Variants in LMBRD1 observed in about 807,000 individuals in gnomAD.
LMBRD1 encodes LMBR1 domain containing 1.
Under a neutral mutation model 74.8 loss-of-function variants are expected in LMBRD1, and 64 were observed. The observed-to-expected ratio is 0.86, with a 90% CI of 0.70 to 1.05. The LOEUF is 1.05. Ranked by LOEUF, LMBRD1 falls within the 50% of genes least tolerant of loss-of-function variation. The probability of loss-of-function intolerance (pLI) is 0.00; values close to 1 mark genes in which losing one functional copy is unlikely to be tolerated. For synonymous variants in LMBRD1, 204 were observed against 216.3 expected (o/e 0.94, Z 0.50); for missense variants, 652 against 645.9 (o/e 1.01, Z -0.10).
chr6:69,775,734 G>A (rs1007693384), intron 3 of LMBRD1, among the ~76,000 whole-genome samples: 2 of 152,104 alleles, frequency 1.3e-5, no homozygotes, highest in African/African-American at 4.8e-5. Flanking sequence ...CTGTACTTGT[G>A]TCTCACAACA....
In LMBRD1 at chr6:69,741,771, A is replaced by T. The variant is rs183663902; in HGVS notation, c.562+18T>A. On this transcript the variant is annotated intron_variant, in intron 6 of 15. Coordinates refer to ENST00000649934, the MANE Select transcript of LMBRD1 (RefSeq NM_018368.4). ...GGAAATATAAACTACTATGTTTTTT[A>T]AAAAAAACAATACTTACGACTACTT... is the stretch of plus-strand genomic sequence containing the variant. 1,159 of 1,403,080 alleles carry T rather than the reference A, an allele frequency of 8.3e-4. 6 individuals are homozygous for T. In the African/African-American group the frequency reaches 0.011, roughly 14 times the overall value. 86.9% of individuals were successfully genotyped at this position (1,403,080 alleles called of 1,614,324 possible). A position where few individuals can be genotyped will look rare whatever the true frequency, so the allele number is the denominator to read the frequency against.
chr6:69,751,620 G>A (rs1461617554), intron 4 of LMBRD1, among the ~76,000 whole-genome samples: 1 of 152,008 alleles, frequency 6.6e-6, no homozygotes, highest in Non-Finnish European at 1.5e-5. Flanking sequence ...GAGCCACAGC[G>A]CCTGGCCAAA....
At chr6:69,733,782 A>G (rs1766914051) in intron 7 of LMBRD1, among the ~76,000 whole-genome samples, 1 of 152,152 alleles carries the variant, frequency 6.6e-6, no homozygotes, top group South Asian at 2.1e-4. Flanking sequence ...TGCCTTTTTG[A>G]CTTACCTTTG....
chr6:69,705,056 C>G (rs544455254), intron 9 of LMBRD1, among the ~76,000 whole-genome samples: 2 of 151,898 alleles, frequency 1.3e-5, no homozygotes, highest in Non-Finnish European at 2.9e-5. Context: ...CTACTATGTC[C>G]TATCATAACA....
rs55678819 is a variant in LMBRD1, at chr6:69,691,149, C to CTTT, written c.1417+6411_1417+6413dup. ...AAAAGCAGCAACGGCCTCTCTCTCT[C>CTTT]TTTTTTTTTTTAACAATTTAAAGGA... On this transcript the variant is annotated intron_variant, in intron 14 of 15. Coordinates refer to ENST00000649934, the MANE Select transcript of LMBRD1 (RefSeq NM_018368.4). Among the ~76,000 whole-genome samples, 9 of 142,986 alleles carry CTTT rather than the reference C, an allele frequency of 6.3e-5. No homozygotes were observed. The South Asian group carries it at 6.4e-4, about 10-fold the overall frequency. 93.8% of individuals were successfully genotyped at this position (142,986 alleles called of 152,430 possible).
At chr6:69,791,285 A>G (rs1213210970) in intron 1 of LMBRD1, among the ~76,000 whole-genome samples, 3 of 152,186 alleles carry the variant, frequency 2.0e-5, no homozygotes, top group Non-Finnish European at 4.4e-5. Flanking sequence ...GAAAATCTGC[A>G]TTTGTAACAG....
chr6:69,762,222 T>A (rs1480033388), intron 3 of LMBRD1, among the ~76,000 whole-genome samples: 4 of 152,222 alleles, frequency 2.6e-5, no homozygotes, highest in Non-Finnish European at 5.9e-5. Context: ...AAACTGCTAC[T>A]ATGAACATCT....
rs894088052 is a variant in LMBRD1 at position 69,694,204 on chromosome 6, G to A, written c.1417+3359C>T. ...AATATCAGGGCATTTTAAAGGCCCC[G>A]TTATCAGTTCAACATAATTTTGAAA... is the stretch of plus-strand genomic sequence containing the variant. On this transcript the variant is annotated intron_variant, in intron 14 of 15. Transcript: ENST00000649934. Among the ~76,000 whole-genome samples the A allele has an allele frequency of 2.6e-5, 4 of 152,036 alleles. 1 individual carries two copies. The highest frequency in any genetic ancestry group is 4.8e-5 in the African/African-American group (2 of 41,440).
intron 7 of LMBRD1, among the ~76,000 whole-genome samples, chr6:69,729,983 C>T (rs1322926187): frequency 6.6e-6 from 1 of 151,492 alleles, no homozygotes; most frequent in Non-Finnish European, 1.5e-5. Context: ...TACAAAAAGG[C>T]TATCCTTTTC....
At chr6:69,685,663 T>C (rs1007181518) in intron 14 of LMBRD1, among the ~76,000 whole-genome samples, 1 of 152,042 alleles carries the variant, frequency 6.6e-6, no homozygotes, top group Non-Finnish European at 1.5e-5. Context: ...TAGTTGGGCA[T>C]GGTGGCACGT....
At chr6:69,741,020 C>T (rs1767090121) in intron 6 of LMBRD1, among the ~76,000 whole-genome samples, 1 of 151,830 alleles carries the variant, frequency 6.6e-6, no homozygotes, top group African/African-American at 2.4e-5. Flanking sequence ...TATAATAAAA[C>T]ATTTAATTCA....
chr6:69,741,813 G>C lies in LMBRD1; in HGVS notation c.538C>G (p.Leu180Val), dbSNP rs1198975552. Residue 180 changes from leucine to valine, a missense_variant, in exon 6 of 16, where the codon CTA (leucine) becomes GTA (valine). Physicochemically the swap from Leu to Val is conservative, Grantham distance 32. Around this residue, in one of 3 missense-constraint regions of LMBRD1, gnomAD observed 598 missense variants for 581.8 expected, o/e 1.03. Transcript: ENST00000649934. ...NSTEWEKVKS[L>V]FEELGSSHGL... Reference sequence around the variant, plus strand: ...CGACTACTTCCAAGTTCTTCAAATAGGGACTTCACTTTTTCCCACTCTGTA... The same window carrying C: ...CGACTACTTCCAAGTTCTTCAAATACGGACTTCACTTTTTCCCACTCTGTA... The C allele has an allele frequency of 6.2e-7, 1 of 1,600,862 alleles. No homozygotes were observed. The highest frequency in any genetic ancestry group is 1.1e-5 in the South Asian group (1 of 90,740).
chr6:69,769,163 GACCCAC>G (rs1765528329), intron 3 of LMBRD1, among the ~76,000 whole-genome samples: 2 of 151,914 alleles, frequency 1.3e-5, no homozygotes, highest in Admixed American at 1.3e-4. Context: ...ACTTGATGCT[GACCCAC>G]AGATCTCTGT....
chr6:69,720,795 G>A (rs9346336), intron 7 of LMBRD1, among the ~76,000 whole-genome samples: 54,641 of 151,986 alleles, frequency 0.36, 10,412 homozygotes, highest in East Asian at 0.54. Context: ...CACAGTACCT[G>A]GTTTTAACTT....
At chr6:69,788,676 G>A (rs1766013921) in intron 2 of LMBRD1, among the ~76,000 whole-genome samples, 1 of 152,090 alleles carries the variant, frequency 6.6e-6, no homozygotes, top group South Asian at 2.1e-4. Flanking sequence ...AATGACACCA[G>A]TAAAATTAGT....
intron 14 of LMBRD1, 61 bp from the exon 15 acceptor site, chr6:69,676,602 A>G (rs1765552529): frequency 1.6e-5 from 20 of 1,251,688 alleles, no homozygotes; most frequent in Non-Finnish European, 2.3e-5. Context: ...GATGATTAAT[A>G]CTTTCTCTAA....
chr6:69,684,017 T>C (rs569939520), intron 14 of LMBRD1, among the ~76,000 whole-genome samples: 2 of 152,008 alleles, frequency 1.3e-5, no homozygotes, highest in African/African-American at 4.8e-5. Flanking sequence ...TGTGAATGGA[T>C]CATCAAATAT....
In LMBRD1 at chr6:69,791,811, A is replaced by G. The variant is rs988837422; in HGVS notation, c.70-1339T>C. ...GCCCTTGAGACAGGAATAATGCATGATGTTCACAAGGGCTAAAAAATTCCA... is the reference window on the plus strand; with the variant it reads ...GCCCTTGAGACAGGAATAATGCATGGTGTTCACAAGGGCTAAAAAATTCCA... On this transcript the variant is annotated intron_variant, in intron 1 of 15. Transcript: ENST00000649934. 2.0e-5 allele frequency among the ~76,000 whole-genome samples: 3 copies of G among 152,306 alleles called. No individual in the cohort carries two copies. The South Asian group carries it at 6.2e-4, about 32-fold the overall frequency.
chr6:69,723,872 A>G (rs930260870), intron 7 of LMBRD1, among the ~76,000 whole-genome samples: 1 of 151,984 alleles, frequency 6.6e-6, no homozygotes, highest in Non-Finnish European at 1.5e-5. Context: ...AGATGAAACA[A>G]AAAGTTGGTT....
Sources: allele counts gnomAD v4.1 joint callset (sites outside exome capture counted in the v4.1 genomes callset), GRCh38; gene constraint gnomAD v4.1.1; regional missense constraint gnomAD v4.1.1; transcripts MANE v1.5; gene names NCBI Gene and HGNC (gene_info 2026-07-23, HGNC 2026-07-21).